ULK4: variants seen among roughly 807,000 people sequenced by gnomAD.
ULK4 encodes the protein unc-51 like kinase 4.
Under a neutral mutation model 160.6 loss-of-function variants are expected in ULK4, and 133 were observed. The ratio of observed to expected loss-of-function variants is 0.83; its 90% CI spans 0.72 to 0.96. The LOEUF is 0.96. ULK4 is among the 40% of genes least tolerant of loss of function. The pLI, the probability that ULK4 is intolerant of heterozygous loss-of-function variation, is 0.00. For missense variants in ULK4, 1,580 were observed against 1,499.5 expected (o/e 1.05, Z -0.89); for synonymous variants, 534 against 539.8 (o/e 0.99, Z 0.15).
chr3:41,451,086 A>G (rs1350373541), intron 34 of ULK4, among the ~76,000 whole-genome samples: 1 of 152,276 alleles, frequency 6.6e-6, no homozygotes, highest in East Asian at 1.9e-4. Context: ...GGCTCTAAGC[A>G]GGACAGTGAA....
intron 30 of ULK4, among the ~76,000 whole-genome samples, chr3:41,645,030 G>A (rs1423665632): frequency 4.6e-5 from 7 of 151,522 alleles, no homozygotes; most frequent in South Asian, 4.2e-4. Context: ...CTGTGGGATC[G>A]GTGGTGATAT....
At chr3:41,902,588 G>GAAAAAAAAAAAAAAAAAAAAA (rs537842940) in intron 12 of ULK4, among the ~76,000 whole-genome samples, 1 of 94,762 alleles carries the variant, frequency 1.1e-5, no homozygotes, top group Non-Finnish European at 2.2e-5. Flanking sequence ...AAAAAAAAAA[G>GAAAAAAAAAAAAAAAAAAAAA]AAAAAAAAAA....
intron 22 of ULK4, among the ~76,000 whole-genome samples, chr3:41,738,967 C>CAA (rs1316324540): frequency 6.6e-6 from 1 of 151,820 alleles, no homozygotes; most frequent in Non-Finnish European, 1.5e-5. Flanking sequence ...AGGGAAGCAT[C>CAA]AATAAGTGAA....
intron 14 of ULK4, 43 bp downstream of exon 14, chr3:41,898,389 A>T (rs1160206988): frequency 8.3e-7 from 1 of 1,207,038 alleles, no homozygotes; most frequent in Non-Finnish European, 1.2e-6. Flanking sequence ...TTGTATCTGT[A>T]TACAAAGAGT....
At chr3:41,396,197 C>T (rs1417987116) in intron 35 of ULK4, among the ~76,000 whole-genome samples, 4 of 151,986 alleles carry the variant, frequency 2.6e-5, no homozygotes, top group East Asian at 1.9e-4. Context: ...TTATTTACCC[C>T]TGCCTGGTGT....
chr3:41,878,081 GAAAAAAAAAAAA>G (rs35037891), intron 17 of ULK4, among the ~76,000 whole-genome samples: 1 of 108,292 alleles, frequency 9.2e-6, no homozygotes, highest in South Asian at 3.3e-4. Flanking sequence ...GCTCTACCAG[GAAAAAAAAAAAA>G]AAAAAAAAAC....
intron 22 of ULK4, among the ~76,000 whole-genome samples, chr3:41,745,960 A>C (rs2038404462): frequency 6.6e-6 from 1 of 151,410 alleles, no homozygotes; most frequent in Non-Finnish European, 1.5e-5. Context: ...AGAGAAAAAA[A>C]AAACTCTAAG....
intron 29 of ULK4, among the ~76,000 whole-genome samples, chr3:41,679,505 G>A (rs1280326948): frequency 6.6e-6 from 1 of 152,108 alleles, no homozygotes; most frequent in African/African-American, 2.4e-5. Context: ...TGTAATACAA[G>A]CTTGAACTCA....
intron 16 of ULK4, among the ~76,000 whole-genome samples, chr3:41,887,724 G>A (rs1306752609): frequency 6.6e-6 from 1 of 152,014 alleles, no homozygotes; most frequent in African/African-American, 2.4e-5. Flanking sequence ...GGGAGGCTGA[G>A]GTAGGAGAAT....
intron 31 of ULK4, among the ~76,000 whole-genome samples, chr3:41,585,551 A>G (rs2030730376): frequency 6.6e-6 from 1 of 152,234 alleles, no homozygotes; most frequent in Non-Finnish European, 1.5e-5. Flanking sequence ...TGTAAGCTCT[A>G]AAACGATAAA....
At chr3:41,740,853 C>T (rs980182534) in intron 22 of ULK4, among the ~76,000 whole-genome samples, 6 of 151,916 alleles carry the variant, frequency 3.9e-5, no homozygotes, top group African/African-American at 1.5e-4. Flanking sequence ...TTTAACATCT[C>T]TCTAGCCTGA....
At chr3:41,533,200 A>G (rs1040870271) in intron 32 of ULK4, among the ~76,000 whole-genome samples, 1 of 152,208 alleles carries the variant, frequency 6.6e-6, no homozygotes, top group Non-Finnish European at 1.5e-5. Context: ...CACACCACGG[A>G]GCCCAGACCA....
At chr3:41,925,378 C>T (rs1379745079) in intron 5 of ULK4, among the ~76,000 whole-genome samples, 1 of 152,224 alleles carries the variant, frequency 6.6e-6, no homozygotes, top group Non-Finnish European at 1.5e-5. Flanking sequence ...GGCCCACATA[C>T]TGCATTTTTC....
At chr3:41,823,401 T>A (rs1359459345) in intron 18 of ULK4, among the ~76,000 whole-genome samples, 1 of 152,080 alleles carries the variant, frequency 6.6e-6, no homozygotes, top group Non-Finnish European at 1.5e-5. Context: ...TACAGAGACT[T>A]TGGCTGTGAC....
At chr3:41,799,590 G>A (rs973252250) in intron 20 of ULK4, among the ~76,000 whole-genome samples, 15 of 152,090 alleles carry the variant, frequency 9.9e-5, no homozygotes, top group South Asian at 2.1e-4. Context: ...GGCTGGGCGC[G>A]GTGGCTCATC....
intron 11 of ULK4, among the ~76,000 whole-genome samples, chr3:41,909,619 A>G (rs7636590): frequency 0.96 from 146,117 of 151,974 alleles, 70,521 homozygotes; most frequent in East Asian, 1. Context: ...GGAGGCTGAG[A>G]CATGAGAATC....
chr3:41,713,860 G>GT (rs2037179332), intron 25 of ULK4, among the ~76,000 whole-genome samples: 1 of 151,910 alleles, frequency 6.6e-6, no homozygotes, highest in Admixed American at 6.6e-5. Flanking sequence ...GAAAATCTTG[G>GT]TAATTCTTTA....
chr3:41,402,322 C>G (rs1008484710), intron 34 of ULK4, among the ~76,000 whole-genome samples: 1 of 152,120 alleles, frequency 6.6e-6, no homozygotes, highest in Non-Finnish European at 1.5e-5. Flanking sequence ...TTTATTTCTT[C>G]TTTTCCAACG....
chr3:41,691,498 C>A (rs1317781062), intron 27 of ULK4, among the ~76,000 whole-genome samples: 1 of 151,866 alleles, frequency 6.6e-6, no homozygotes, highest in Non-Finnish European at 1.5e-5. Context: ...GAGTCAAATT[C>A]TTTCTTCTGA....
Sources: allele counts gnomAD v4.1 joint callset (sites outside exome capture counted in the v4.1 genomes callset), GRCh38; gene constraint gnomAD v4.1.1; transcripts MANE v1.5; gene names NCBI Gene and HGNC (gene_info 2026-07-23, HGNC 2026-07-21).